ASCC1: variants seen among roughly 807,000 people sequenced by gnomAD.
ASCC1 encodes the protein activating signal cointegrator 1 complex subunit 1.
Under a neutral mutation model 46.6 loss-of-function variants are expected in ASCC1, and 35 were observed. That is an observed-to-expected ratio of 0.75 (90% CI 0.57 to 0.99). The LOEUF (loss-of-function observed/expected upper bound fraction) is 0.99, where lower values mean the gene tolerates loss of function less well. ASCC1 is among the 50% of genes least tolerant of loss of function. The pLI is 0.00. For missense variants in ASCC1, 376 were observed against 428.7 expected, an observed-to-expected ratio of 0.88 and a Z score of 1.09; for synonymous variants, 143 against 146.6, an observed-to-expected ratio of 0.98 and a Z score of 0.18.
chr10:72,164,897 T>C (rs1381380345), intron 5 of ASCC1, among the ~76,000 whole-genome samples: 1 of 152,252 alleles, frequency 6.6e-6, no homozygotes, highest in Non-Finnish European at 1.5e-5. Context: ...CATCTTTTCA[T>C]GTGCTTTTTG....
At chr10:72,192,478 G>A (rs1265355190) in intron 5 of ASCC1, among the ~76,000 whole-genome samples, 5 of 150,872 alleles carry the variant, frequency 3.3e-5, no homozygotes, top group Admixed American at 3.3e-4. Context: ...AAGAAAGAAA[G>A]AAGAAAAGAG....
intron 5 of ASCC1, among the ~76,000 whole-genome samples, chr10:72,193,612 T>C (rs1331885078): frequency 6.6e-6 from 1 of 152,044 alleles, no homozygotes; most frequent in Non-Finnish European, 1.5e-5. Flanking sequence ...ATCCTAATTG[T>C]TGTGGTAGTT....
At chr10:72,110,099 T>A (rs1357546216) in intron 9 of ASCC1, among the ~76,000 whole-genome samples, 1 of 152,206 alleles carries the variant, frequency 6.6e-6, no homozygotes, top group African/African-American at 2.4e-5. Flanking sequence ...CAGGTGCCCT[T>A]TCAGAACTAA....
chr10:72,204,299 C>G (rs1856899860), intron 3 of ASCC1: 3 of 1,078,938 alleles, frequency 2.8e-6, no homozygotes, highest in African/African-American at 1.6e-5. Context: ...ATTAGAATAT[C>G]TGAGGACTCA....
At chr10:72,114,992 C>T (rs565359910) in intron 9 of ASCC1, among the ~76,000 whole-genome samples, 14 of 152,184 alleles carry the variant, frequency 9.2e-5, no homozygotes, top group African/African-American at 3.1e-4. Flanking sequence ...TTAAATAGTA[C>T]AGTATTCTTC....
chr10:72,101,250 C>T (rs529486386), intron 9 of ASCC1, among the ~76,000 whole-genome samples: 1 of 152,232 alleles, frequency 6.6e-6, no homozygotes, highest in African/African-American at 2.4e-5. Flanking sequence ...GAGTCCTTTA[C>T]TCTGTGATCT....
intron 7 of ASCC1, among the ~76,000 whole-genome samples, chr10:72,140,913 A>G (rs1041665950): frequency 2.6e-5 from 4 of 152,204 alleles, no homozygotes; most frequent in Non-Finnish European, 5.9e-5. Context: ...TTTCTGTCCC[A>G]TAAGCACAGG....
At chr10:72,123,395 T>G (rs1000397174) in intron 9 of ASCC1, among the ~76,000 whole-genome samples, 1 of 149,170 alleles carries the variant, frequency 6.7e-6, no homozygotes, top group South Asian at 2.1e-4. Flanking sequence ...AGGAACTCAA[T>G]AGAGAAAATC....
At chr10:72,181,282 C>G (rs925515324) in intron 5 of ASCC1, among the ~76,000 whole-genome samples, 22 of 151,912 alleles carry the variant, frequency 1.4e-4, no homozygotes, top group African/African-American at 5.1e-4. Flanking sequence ...TCTCATCTTA[C>G]AAAAATGCCT....
intron 1 of ASCC1, among the ~76,000 whole-genome samples, chr10:72,215,335 G>A (rs1036551934): frequency 1.3e-5 from 2 of 152,238 alleles, no homozygotes; most frequent in Admixed American, 6.5e-5. Context: ...AGAGGCGGAG[G>A]TTGCAGTGAG....
At chr10:72,139,114 CTTTTTT>C (rs1222967667) in intron 7 of ASCC1, among the ~76,000 whole-genome samples, 1 of 130,718 alleles carries the variant, frequency 7.7e-6, no homozygotes, top group African/African-American at 3.1e-5. Flanking sequence ...TTTTCTTTTT[CTTTTTT>C]TTTTTTTTTT....
chr10:72,198,477 C>T, intron 4 of ASCC1: 1 of 449,962 alleles, frequency 2.2e-6, no homozygotes, highest in South Asian at 1.6e-5. Context: ...GGGGCAAAGG[C>T]CAAGGCAGGA....
intron 4 of ASCC1, among the ~76,000 whole-genome samples, chr10:72,199,676 C>T (rs111849311): frequency 0.018 from 2,777 of 152,148 alleles, 96 homozygotes; most frequent in African/African-American, 0.064. Context: ...CCTCATGATC[C>T]GCCCACCCCG....
In ASCC1 at chr10:72,102,426, A is replaced by C. The variant is rs1369550772; in HGVS notation, c.958-4976T>G. 44 of 1,544,774 alleles carry C rather than the reference A, an allele frequency of 2.8e-5. No homozygotes were observed. In the East Asian group the frequency reaches 1.1e-3, roughly 38 times the overall value. Reference sequence around the variant, plus strand: ...CATCAGAGACACCTGTAGCACAGTTAAGTGGAAACAGATCACTATAAAAGG... The same window carrying C: ...CATCAGAGACACCTGTAGCACAGTTCAGTGGAAACAGATCACTATAAAAGG... On this transcript the variant is annotated intron_variant, in intron 9 of 9. Coordinates refer to ENST00000672957, the MANE Select transcript of ASCC1 (RefSeq NM_001198800.3).
chr10:72,179,024 T>C (rs1250120922), intron 5 of ASCC1, among the ~76,000 whole-genome samples: 3 of 152,168 alleles, frequency 2.0e-5, no homozygotes, highest in Admixed American at 6.5e-5. Context: ...TAATATCTGA[T>C]CCATATGACA....
intron 5 of ASCC1, among the ~76,000 whole-genome samples, chr10:72,161,876 A>G (rs543628075): frequency 6.6e-6 from 1 of 152,210 alleles, no homozygotes; most frequent in Admixed American, 6.5e-5. Flanking sequence ...ATAAAGATAG[A>G]CTACTACCTC....
chr10:72,159,471 T>C (rs1215103891), intron 6 of ASCC1: 1 of 152,184 alleles, frequency 6.6e-6, no homozygotes, highest in Non-Finnish European at 1.5e-5. Context: ...CAAAATATTT[T>C]ATCTACCTTT....
At chr10:72,142,438 C>T (rs1244313181) in intron 7 of ASCC1, among the ~76,000 whole-genome samples, 4 of 151,438 alleles carry the variant, frequency 2.6e-5, no homozygotes, top group African/African-American at 4.9e-5. Flanking sequence ...GTGATCTCAG[C>T]TCACTGCAAC....
rs752704318 is a variant in ASCC1, at chr10:72,194,001, AT to A, written c.489+2809del. Among the ~76,000 whole-genome samples, 427 of 142,866 alleles carry A rather than the reference AT, an allele frequency of 3.0e-3. 3 individuals carry two copies. The highest frequency in any genetic ancestry group is 7.3e-3 in the Middle Eastern group (2 of 274). 93.7% of individuals were successfully genotyped at this position (142,866 alleles called of 152,430 possible). On this transcript the variant is annotated intron_variant, in intron 5 of 9. Coordinates refer to ENST00000672957, the MANE Select transcript of ASCC1 (RefSeq NM_001198800.3). ...AGGTGCCCGCCACCACACCCGGCTA[AT>A]TTTTTTTTTTTTTGTATTTTTAGTA...
Sources: gnomAD v4.1 joint callset for allele counts (sites outside exome capture counted in the v4.1 genomes callset) on GRCh38, gnomAD v4.1.1 for gene constraint, MANE v1.5 for transcripts, NCBI Gene and HGNC (gene_info 2026-07-23, HGNC 2026-07-21) for gene names.